GSTCD: variants seen among roughly 807,000 people sequenced by gnomAD.
GSTCD encodes glutathione S-transferase C-terminal domain containing.
GSTCD carries 44 observed loss-of-function variants against 68.3 expected under a neutral mutation model. The ratio of observed to expected loss-of-function variants is 0.64; its 90% CI spans 0.51 to 0.83. The LOEUF is 0.83. Ranked by LOEUF, GSTCD falls within the 40% of genes least tolerant of loss-of-function variation. The pLI is 0.00. For synonymous variants in GSTCD, 273 were observed against 255.2 expected, an observed-to-expected ratio of 1.07 and a Z score of -0.67; for missense variants, 739 against 735.9, an observed-to-expected ratio of 1.00 and a Z score of -0.05.
chr4:105,783,074 A>G (rs548685701), intron 5 of GSTCD, among the ~76,000 whole-genome samples: 9 of 152,276 alleles, frequency 5.9e-5, no homozygotes, highest in South Asian at 2.1e-4. Context: ...GAGATGGACA[A>G]TTTGTTCGAA....
intron 8 of GSTCD, among the ~76,000 whole-genome samples, chr4:105,829,047 C>T (rs1221012382): frequency 1.3e-5 from 2 of 152,002 alleles, no homozygotes. Flanking sequence ...AAGGATAGAT[C>T]TCTTCCCTAC....
intron 5 of GSTCD, among the ~76,000 whole-genome samples, chr4:105,786,183 A>G (rs1338924527): frequency 6.6e-6 from 1 of 151,056 alleles, no homozygotes; most frequent in African/African-American, 2.5e-5. Flanking sequence ...AAGCAATAAA[A>G]TAAAAAATGT....
At chr4:105,800,972 A>G (rs976739946) in intron 5 of GSTCD, among the ~76,000 whole-genome samples, 8 of 152,156 alleles carry the variant, frequency 5.3e-5, no homozygotes, top group Non-Finnish European at 8.8e-5. Flanking sequence ...TATCTAACAT[A>G]AATTTTCTCT....
intron 10 of GSTCD, chr4:105,840,188 T>C (rs1225403329): frequency 1.3e-5 from 6 of 455,720 alleles, no homozygotes; most frequent in Non-Finnish European, 2.6e-5. Flanking sequence ...AACTGAATCT[T>C]ACCTGAGATT....
At chr4:105,709,405 A>G (rs1230132003) in intron 1 of GSTCD, among the ~76,000 whole-genome samples, 1 of 152,008 alleles carries the variant, frequency 6.6e-6, no homozygotes, top group Non-Finnish European at 1.5e-5. Context: ...TCTCTTTGGC[A>G]TTGAGTTTTC....
At chr4:105,781,583 T>C (rs373997990) in intron 5 of GSTCD, among the ~76,000 whole-genome samples, 2 of 152,036 alleles carry the variant, frequency 1.3e-5, no homozygotes, top group South Asian at 4.1e-4. Context: ...GAAACAAAAT[T>C]GGACTCATGA....
Position 105,847,416 on chromosome 4 carries a change from T to C in GSTCD, c.*1839T>C, listed in dbSNP as rs1387547317. ...GTGCCTATAGAAAACAACATGCTCT[T>C]TTATTGTGGACTTTCTTCTTTTAAG... On this transcript the variant is annotated 3_prime_UTR_variant, in exon 12 of 12. Coordinates refer to ENST00000515279, the MANE Select transcript of GSTCD (RefSeq NM_001370181.1). 1.3e-5 allele frequency: 2 copies of C among 152,206 alleles called. No individual in the cohort carries two copies. The highest frequency in any genetic ancestry group is 1.3e-4 in the Admixed American group (2 of 15,272). 9.4% of individuals were successfully genotyped at this position (152,206 alleles called of 1,614,324 possible).
At chr4:105,766,877 GTTTTTGACTCT>G (rs1734626705) in intron 5 of GSTCD, among the ~76,000 whole-genome samples, 1 of 61,334 alleles carries the variant, frequency 1.6e-5, no homozygotes, top group Non-Finnish European at 3.1e-5. Context: ...GCATGAATAG[GTTTTTGACTCT>G]TTTTTTTTTT....
Position 105,717,931 on chromosome 4 carries a change from T to C in GSTCD, c.318T>C (p.Ala106=). The change falls in exon 2 of 12, where the codon GCT becomes GCC. Residue 106 remains alanine, a synonymous_variant. Coordinates refer to ENST00000515279, the MANE Select transcript of GSTCD (RefSeq NM_001370181.1). ...ACAATTTTTGTAGAGCAGGACTTGC[T>C]GTTGTATTGAGACACATAATCCAGA... ...RSDNFCRAGL[A]VVLRHIIQKS... 1 of 1,614,118 alleles carries C rather than the reference T, an allele frequency of 6.2e-7. No homozygotes were observed. The highest frequency in any genetic ancestry group is 8.5e-7 in the Non-Finnish European group (1 of 1,179,980).
intron 7 of GSTCD, among the ~76,000 whole-genome samples, chr4:105,825,466 C>T (rs1303647053): frequency 6.6e-6 from 1 of 152,156 alleles, no homozygotes. Flanking sequence ...ACTTATATCA[C>T]TATGCTTCAA....
chr4:105,726,770 A>G lies in GSTCD; in HGVS notation c.1086A>G (p.Val362=), dbSNP rs781253427. 23 of 1,613,872 alleles carry G rather than the reference A, an allele frequency of 1.4e-5. No homozygotes were observed. Among genetic ancestry groups the G allele is most frequent in the Non-Finnish European group, 1.9e-5 (23 of 1,179,784 alleles). Residue 362 remains valine (V), a synonymous_variant, in exon 4 of 12, where the codon GTA becomes GTG. Coordinates refer to ENST00000515279, the MANE Select transcript of GSTCD (RefSeq NM_001370181.1). Reference sequence around the variant, plus strand: ...CAAACTTATGTGAAGTCCCAGGTGTAGAAGAGCAAAGCGATCCTTTATTTA... The same window carrying G: ...CAAACTTATGTGAAGTCCCAGGTGTGGAAGAGCAAAGCGATCCTTTATTTA... ...QHPNLCEVPG[V]EEQSDPLFIG...
At position 105,822,970 on chromosome 4, in the gene GSTCD, T is replaced by G. The variant is rs760420892; in HGVS notation, c.1257T>G (p.Asp419Glu). 1 of 1,613,096 alleles carries G rather than the reference T, an allele frequency of 6.2e-7. No homozygotes were observed. Among genetic ancestry groups the G allele is most frequent in the South Asian group, 1.1e-5 (1 of 90,914 alleles). The change falls in exon 6 of 12, where the codon GAT (aspartate) becomes GAG (glutamate). Residue 419 changes from aspartate (D) to glutamate (E), a missense_variant. By Grantham distance (45) the Asp-to-Glu change is conservative. Coordinates refer to ENST00000515279, the MANE Select transcript of GSTCD (RefSeq NM_001370181.1). Reference protein sequence around the residue: ...VSPKEGKMSSDRALRKQQQLN... With the variant: ...VSPKEGKMSSERALRKQQQLN... Reference sequence around the variant, plus strand: ...CTTTCTCAGGTAAAATGTCCAGTGATCGAGCTTTGAGGAAGCAGCAACAGT... The same window carrying G: ...CTTTCTCAGGTAAAATGTCCAGTGAGCGAGCTTTGAGGAAGCAGCAACAGT...
intron 9 of GSTCD, among the ~76,000 whole-genome samples, chr4:105,836,156 G>A (rs997427326): frequency 6.6e-6 from 1 of 151,910 alleles, no homozygotes; most frequent in African/African-American, 2.4e-5. Flanking sequence ...GGTAGCTGCT[G>A]TCTTCAGGCA....
intron 5 of GSTCD, among the ~76,000 whole-genome samples, chr4:105,735,373 G>A (rs1454519841): frequency 6.6e-6 from 1 of 152,198 alleles, no homozygotes. Flanking sequence ...CCTCAGCAAT[G>A]GCGGGCACCC....
chr4:105,733,222 A>G (rs928579600), intron 5 of GSTCD, among the ~76,000 whole-genome samples: 4 of 152,134 alleles, frequency 2.6e-5, no homozygotes, highest in Non-Finnish European at 5.9e-5. Flanking sequence ...TGTGGAGCTG[A>G]GTTCAATTCC....
intron 5 of GSTCD, among the ~76,000 whole-genome samples, chr4:105,789,660 A>G (rs1735590254): frequency 6.6e-6 from 1 of 151,914 alleles, no homozygotes; most frequent in Non-Finnish European, 1.5e-5. Flanking sequence ...ACTTAAACAG[A>G]CTTGGAAGTG....
chr4:105,824,496 C>T (rs918399864), intron 7 of GSTCD, among the ~76,000 whole-genome samples: 3 of 152,122 alleles, frequency 2.0e-5, no homozygotes, highest in African/African-American at 7.2e-5. Context: ...TATAGTCTAA[C>T]AGGTTTTTCA....
chr4:105,728,119 G>A (rs1185394359), intron 4 of GSTCD, among the ~76,000 whole-genome samples: 1 of 152,056 alleles, frequency 6.6e-6, no homozygotes, highest in Non-Finnish European at 1.5e-5. Flanking sequence ...GATGTGTCTT[G>A]ATTATATTAC....
chr4:105,744,679 T>G (rs950099102), intron 5 of GSTCD, among the ~76,000 whole-genome samples: 3 of 152,198 alleles, frequency 2.0e-5, no homozygotes, highest in African/African-American at 7.2e-5. Flanking sequence ...GGCAACTTCC[T>G]TCATTTCTGG....
Sources: gnomAD v4.1 joint callset for allele counts (sites outside exome capture counted in the v4.1 genomes callset) on GRCh38, gnomAD v4.1.1 for gene constraint, MANE v1.5 for transcripts, NCBI Gene and HGNC (gene_info 2026-07-23, HGNC 2026-07-21) for gene names.